The following AGBL1 variants were observed in gnomAD, a reference collection of about 807,000 sequenced individuals.
AGBL1 encodes cytosolic carboxypeptidase 4.
In AGBL1, 130 loss-of-function variants were observed where a neutral mutation model predicts 118.9. That is an observed-to-expected ratio of 1.09 (90% CI 0.95 to 1.26). AGBL1 has a LOEUF of 1.26. AGBL1 is among the 50% of genes most tolerant of loss of function. The probability of loss-of-function intolerance (pLI) is 0.00; values close to 1 mark genes in which losing one functional copy is unlikely to be tolerated. For missense variants in AGBL1, 1,584 were observed against 1,298.1 expected (o/e 1.22, Z -3.38); for synonymous variants, 555 against 478.9 (o/e 1.16, Z -2.08).
At chr15:86,145,478 CTTATATAGG>C (rs1174111734) in intron 3 of AGBL1, among the ~76,000 whole-genome samples, 1 of 152,126 alleles carries the variant, frequency 6.6e-6, no homozygotes, top group African/African-American at 2.4e-5. Context: ...TGTGCTGAGT[CTTATATAGG>C]TCACAGCTGA....
intron 22 of AGBL1, among the ~76,000 whole-genome samples, chr15:86,822,900 T>C (rs568685637): frequency 6.6e-5 from 10 of 152,248 alleles, no homozygotes; most frequent in African/African-American, 2.4e-4. Context: ...GCAGGATTTA[T>C]GGTAAGTACA....
At chr15:86,094,214 C>T (rs542509319) in intron 1 of AGBL1, among the ~76,000 whole-genome samples, 29 of 152,120 alleles carry the variant, frequency 1.9e-4, no homozygotes, top group East Asian at 5.8e-4. Flanking sequence ...GATTAATTTT[C>T]GACCAAAACT....
intron 3 of AGBL1, among the ~76,000 whole-genome samples, chr15:86,145,777 A>T (rs1028173483): frequency 6.6e-6 from 1 of 152,190 alleles, no homozygotes; most frequent in African/African-American, 2.4e-5. Flanking sequence ...CACCATGATG[A>T]CCAAGGCAGT....
At chr15:86,578,505 A>G (rs1370812129) in intron 21 of AGBL1, among the ~76,000 whole-genome samples, 2 of 152,142 alleles carry the variant, frequency 1.3e-5, no homozygotes, top group Admixed American at 6.5e-5. Context: ...GGGGACTGTT[A>G]GGAAGGCATG....
chr15:86,391,599 G>A (rs184440674), intron 17 of AGBL1, among the ~76,000 whole-genome samples: 1 of 144,568 alleles, frequency 6.9e-6, no homozygotes, highest in East Asian at 2.2e-4. Flanking sequence ...TCAGCTCCAA[G>A]AAGCCCCGTC....
intron 22 of AGBL1, among the ~76,000 whole-genome samples, chr15:86,838,909 C>T (rs997094374): frequency 7.2e-6 from 1 of 139,206 alleles, no homozygotes; most frequent in Non-Finnish European, 1.5e-5. Flanking sequence ...ATGGCCACTG[C>T]ACTCCACCCC....
At chr15:86,812,763 A>G (rs930991483) in intron 22 of AGBL1, among the ~76,000 whole-genome samples, 6 of 152,184 alleles carry the variant, frequency 3.9e-5, no homozygotes, top group African/African-American at 1.4e-4. Flanking sequence ...TGGACTCACA[A>G]TCACCACCCA....
chr15:86,894,301 G>T (rs1283415202), intron 22 of AGBL1, among the ~76,000 whole-genome samples: 2 of 152,080 alleles, frequency 1.3e-5, no homozygotes, highest in Non-Finnish European at 2.9e-5. Context: ...AATTCATCAG[G>T]TTTGAAAAAT....
intron 17 of AGBL1, among the ~76,000 whole-genome samples, chr15:86,314,659 A>C (rs548528176): frequency 6.6e-6 from 1 of 152,262 alleles, no homozygotes; most frequent in South Asian, 2.1e-4. Context: ...CCCTTCACTC[A>C]GGAATGAATT....
intron 18 of AGBL1, among the ~76,000 whole-genome samples, chr15:86,484,099 C>T (rs1355970650): frequency 2.6e-5 from 4 of 152,110 alleles, no homozygotes; most frequent in African/African-American, 9.7e-5. Flanking sequence ...TTTCATCTGC[C>T]AGCCAATCAC....
intron 24 of AGBL1, among the ~76,000 whole-genome samples, chr15:86,990,334 GT>G (rs1440676018): frequency 6.6e-6 from 1 of 152,138 alleles, no homozygotes; most frequent in African/African-American, 2.4e-5. Flanking sequence ...GACCAACAAG[GT>G]GAAACCCTGT....
chr15:86,919,600 A>ACACG (rs1555463059), downstream of AGBL1, among the ~76,000 whole-genome samples: 2,047 of 148,308 alleles, frequency 0.014, 84 homozygotes, highest in Non-Finnish European at 0.016. Context: ...ACACACACAC[A>ACACG]CACACACACA....
intron 17 of AGBL1, among the ~76,000 whole-genome samples, chr15:86,318,194 A>G (rs990321357): frequency 6.6e-6 from 1 of 152,224 alleles, no homozygotes; most frequent in African/African-American, 2.4e-5. Flanking sequence ...GTAATTTTTT[A>G]AAATCATGAG....
At chr15:86,884,058 C>T (rs1438255737) in intron 22 of AGBL1, among the ~76,000 whole-genome samples, 2 of 152,186 alleles carry the variant, frequency 1.3e-5, no homozygotes, top group African/African-American at 2.4e-5. Flanking sequence ...ATCTTAGAAA[C>T]TTCAGCATAT....
At chr15:86,674,568 T>A in intron 22 of AGBL1, 132 bp downstream of exon 22, 1 of 906,694 alleles carries the variant, frequency 1.1e-6, no homozygotes, top group Non-Finnish European at 1.6e-6. Flanking sequence ...CAAGTAAAGG[T>A]AGGTACACTA....
chr15:86,549,506 A>C (rs1323635834), intron 20 of AGBL1, among the ~76,000 whole-genome samples: 1 of 152,112 alleles, frequency 6.6e-6, no homozygotes, highest in Non-Finnish European at 1.5e-5. Context: ...TAATCCAGGA[A>C]AGTAGTTAAA....
chr15:86,419,155 G>C (rs917255219), intron 18 of AGBL1, among the ~76,000 whole-genome samples: 5 of 151,808 alleles, frequency 3.3e-5, no homozygotes, highest in Non-Finnish European at 5.9e-5. Flanking sequence ...GGCAAAATTT[G>C]GGGGGTGGCT....
At chr15:86,431,419 G>GTTACCATATACA (rs2081934416) in intron 18 of AGBL1, among the ~76,000 whole-genome samples, 2 of 152,188 alleles carry the variant, frequency 1.3e-5, no homozygotes, top group South Asian at 4.1e-4. Context: ...ACATAATATG[G>GTTACCATATACA]TGTCCACAAA....
At chr15:86,572,405 C>T (rs1041942668) in intron 21 of AGBL1, among the ~76,000 whole-genome samples, 2 of 152,190 alleles carry the variant, frequency 1.3e-5, no homozygotes, top group Admixed American at 1.3e-4. Flanking sequence ...CGCTGGGTCC[C>T]CCTCTGAGAG....
Sources: allele counts gnomAD v4.1 joint callset (sites outside exome capture counted in the v4.1 genomes callset), GRCh38; gene constraint gnomAD v4.1.1; transcripts MANE v1.5; gene names NCBI Gene and HGNC (gene_info 2026-07-23, HGNC 2026-07-21).